The following LSAMP variants were observed in gnomAD, a reference collection of about 807,000 sequenced individuals.
LSAMP encodes limbic system associated membrane protein.
A neutral mutation model predicts 38.6 loss-of-function variants in LSAMP; 7 were observed. The ratio of observed to expected loss-of-function variants is 0.18; its 90% CI spans 0.10 to 0.34. The LOEUF (loss-of-function observed/expected upper bound fraction) is 0.34, where lower values mean the gene tolerates loss of function less well. Among genes scored for constraint, LSAMP ranks in the 10% least tolerant of loss-of-function variants. The probability of loss-of-function intolerance (pLI) is 1.00; values close to 1 mark genes in which losing one functional copy is unlikely to be tolerated. For missense variants in LSAMP, 313 were observed against 420.0 expected (o/e 0.75, Z 2.23); for synonymous variants, 154 against 166.8 (o/e 0.92, Z 0.59).
intron 1 of LSAMP, among the ~76,000 whole-genome samples, chr3:116,123,934 C>T (rs1708945683): frequency 6.6e-6 from 1 of 152,086 alleles, no homozygotes; most frequent in African/African-American, 2.4e-5. Context: ...ATATGCCTTC[C>T]TTACCATGAA....
rs1314865643 is a variant in LSAMP at position 116,086,423 on chromosome 3, G to A, written c.289C>T (p.Arg97Ter). ...EKRHSLEYSL[R>*]IQKVDVYDEG... ...TCATAGACATCCACCTTCTGGATTC[G>A]GAGGCTGTATTCCAGAGAATGGCGT... Residue 97 changes from arginine (R) to a stop codon, truncating the protein, a stop_gained, in exon 2 of 7, where the codon CGA (arginine) becomes TGA (stop). Transcript: ENST00000490035. LOFTEE classifies it high-confidence loss of function. The A allele has an allele frequency of 1.2e-6, 2 of 1,613,896 alleles. No individual in the cohort carries two copies. Among genetic ancestry groups the A allele is most frequent in the African/African-American group, 1.3e-5 (1 of 74,862 alleles).
intron 1 of LSAMP, among the ~76,000 whole-genome samples, chr3:116,225,756 T>G (rs1238076476): frequency 6.6e-6 from 1 of 151,702 alleles, no homozygotes; most frequent in Non-Finnish European, 1.5e-5. Context: ...TATTATTGTT[T>G]TTTTTTTTTC....
chr3:116,075,626 C>T lies in LSAMP; in HGVS notation c.388+10698G>A, dbSNP rs939944149. ...GCACAATCTCGGCTCACTGCAACCT[C>T]CGCTTTCTGGGTTCAAGTGATCTCC... is the stretch of plus-strand genomic sequence containing the variant. On this transcript the variant is annotated intron_variant, in intron 2 of 6. Coordinates refer to ENST00000490035, the MANE Select transcript of LSAMP (RefSeq NM_002338.5). Among the ~76,000 whole-genome samples, 5 of 151,532 alleles carry T rather than the reference C, an allele frequency of 3.3e-5. No individual in the cohort carries two copies. In the South Asian group the frequency reaches 8.3e-4, roughly 25 times the overall value.
At chr3:116,025,529 C>T (rs1056281877) in intron 2 of LSAMP, among the ~76,000 whole-genome samples, 1 of 152,032 alleles carries the variant, frequency 6.6e-6, no homozygotes, top group African/African-American at 2.4e-5. Flanking sequence ...AACATAAGAA[C>T]AGTTAAATAC....
intron 3 of LSAMP, among the ~76,000 whole-genome samples, chr3:115,899,343 A>C (rs1450345175): frequency 6.6e-6 from 1 of 152,078 alleles, no homozygotes; most frequent in African/African-American, 2.4e-5. Flanking sequence ...CTGCCTTCCT[A>C]GGAAACACTC....
At chr3:116,262,109 G>A (rs1244137513) in intron 1 of LSAMP, among the ~76,000 whole-genome samples, 1 of 151,760 alleles carries the variant, frequency 6.6e-6, no homozygotes, top group Non-Finnish European at 1.5e-5. Context: ...CCCAAATTTG[G>A]ATCGAAATAT....
intron 1 of LSAMP, among the ~76,000 whole-genome samples, chr3:116,386,751 G>A (rs777739832): frequency 1.5e-3 from 231 of 152,284 alleles, no homozygotes; most frequent in Non-Finnish European, 2.5e-3. Flanking sequence ...GGGGTTACAG[G>A]TGTGAGCCAC....
intron 1 of LSAMP, among the ~76,000 whole-genome samples, chr3:116,170,346 A>G (rs1399888971): frequency 6.6e-6 from 1 of 152,222 alleles, no homozygotes; most frequent in East Asian, 1.9e-4. Context: ...AGCAGAATAT[A>G]TATAATGTAC....
intron 3 of LSAMP, among the ~76,000 whole-genome samples, chr3:115,905,457 A>ATAAG (rs1169560553): frequency 6.6e-6 from 1 of 152,126 alleles, no homozygotes; most frequent in Non-Finnish European, 1.5e-5. Flanking sequence ...AACTATCATT[A>ATAAG]TAAGCCCCCA....
intron 1 of LSAMP, among the ~76,000 whole-genome samples, chr3:116,132,396 A>T (rs1254826728): frequency 1.3e-5 from 2 of 151,634 alleles, no homozygotes; most frequent in Non-Finnish European, 2.9e-5. Flanking sequence ...GATTGGGATA[A>T]AGAAAATGCA....
intron 3 of LSAMP, among the ~76,000 whole-genome samples, chr3:115,857,442 T>C (rs149136326): frequency 6.6e-6 from 1 of 152,328 alleles, no homozygotes; most frequent in Non-Finnish European, 1.5e-5. Context: ...AACCTATGGT[T>C]TAAGTTCTCT....
chr3:115,828,452 T>C (rs1462341110), intron 6 of LSAMP, among the ~76,000 whole-genome samples: 1 of 152,178 alleles, frequency 6.6e-6, no homozygotes, highest in Non-Finnish European at 1.5e-5. Flanking sequence ...AGGACTTCCT[T>C]CCTGTCTAAA....
At position 116,086,202 on chromosome 3, in the gene LSAMP, T is replaced by A. The variant is rs532676431; in HGVS notation, c.388+122A>T. On this transcript the variant is annotated intron_variant, in intron 2 of 6. Transcript: ENST00000490035. ...TCTTTTTAGACAGAAAATCGATACTTAAGTCCAATAATATCTTTGGGAATA... is the reference window on the plus strand; with the variant it reads ...TCTTTTTAGACAGAAAATCGATACTAAAGTCCAATAATATCTTTGGGAATA... 3.2e-5 allele frequency: 26 copies of A among 823,476 alleles called. No individual in the cohort carries two copies. In the African/African-American group the frequency reaches 4.1e-4, roughly 13 times the overall value. 51.0% of individuals were successfully genotyped at this position (823,476 alleles called of 1,614,324 possible).
chr3:115,864,449 T>A (rs940905038), intron 3 of LSAMP, among the ~76,000 whole-genome samples: 3 of 152,222 alleles, frequency 2.0e-5, no homozygotes, highest in Non-Finnish European at 2.9e-5. Context: ...TGGTGCAGCA[T>A]CATTCCCTAG....
At chr3:116,322,384 C>A (rs1366270687) in intron 1 of LSAMP, among the ~76,000 whole-genome samples, 1 of 152,162 alleles carries the variant, frequency 6.6e-6, no homozygotes, top group Non-Finnish European at 1.5e-5. Flanking sequence ...CAGAAACATG[C>A]AGAGACTCAA....
chr3:116,227,657 C>G (rs2046357127), intron 1 of LSAMP, among the ~76,000 whole-genome samples: 1 of 125,300 alleles, frequency 8.0e-6, no homozygotes, highest in African/African-American at 2.5e-5. Flanking sequence ...TATCATCTTG[C>G]TCCGTAGTTC....
In LSAMP at chr3:116,086,551, A is replaced by G; in HGVS notation, c.161T>C (p.Val54Ala). 1 of 1,613,656 alleles carries G rather than the reference A, an allele frequency of 6.2e-7. No individual in the cohort carries two copies. ...CACCTTTGAGTTCTTGTCTTCTACA[A>G]CGCACCTGACAGAGCAGAGTAACAA... ...RQGDTAILRC[V>A]VEDKNSKVAW... The change falls in exon 2 of 7, where the codon GTT (valine) becomes GCT (alanine). Residue 54 changes from valine to alanine, a missense_variant. Coordinates refer to ENST00000490035, the MANE Select transcript of LSAMP (RefSeq NM_002338.5).
intron 1 of LSAMP, among the ~76,000 whole-genome samples, chr3:116,228,246 C>T (rs2046363838): frequency 6.7e-6 from 1 of 148,208 alleles, no homozygotes; most frequent in African/African-American, 2.6e-5. Flanking sequence ...ATTGATAAAT[C>T]AATATTGCTA....
At chr3:116,062,480 C>T (rs1173367703) in intron 2 of LSAMP, among the ~76,000 whole-genome samples, 1 of 152,190 alleles carries the variant, frequency 6.6e-6, no homozygotes, top group East Asian at 1.9e-4. Flanking sequence ...TGTGCCACTG[C>T]ACTCCAACTT....
Sources: allele counts gnomAD v4.1 joint callset (sites outside exome capture counted in the v4.1 genomes callset), GRCh38; gene constraint gnomAD v4.1.1; transcripts MANE v1.5; gene names NCBI Gene and HGNC (gene_info 2026-07-23, HGNC 2026-07-21).